The following SERPINB11 variants were observed in gnomAD, a reference collection of about 807,000 sequenced individuals.
The protein encoded by SERPINB11 is serpin B11.
Under a neutral mutation model 36.7 loss-of-function variants are expected in SERPINB11, and 32 were observed. That is an observed-to-expected ratio of 0.87 (90% CI 0.66 to 1.17). The LOEUF is 1.17. Among genes scored for constraint, SERPINB11 ranks in the 50% most tolerant of loss-of-function variants. SERPINB11 has a pLI of 0.00. For synonymous variants in SERPINB11, 174 were observed against 168.1 expected (o/e 1.04, Z -0.27); for missense variants, 528 against 458.4 (o/e 1.15, Z -1.39).
intron 1 of SERPINB11, chr18:63,705,522 G>C (rs1568182183): frequency 6.6e-6 from 1 of 152,344 alleles, no homozygotes; most frequent in East Asian, 1.9e-4. Context: ...CATAAGTAAA[G>C]AAGAGAATGG....
At chr18:63,712,527 CA>C (rs764726552) in intron 3 of SERPINB11, 37 bp from the exon 4 acceptor site, 1 of 1,609,030 alleles carries the variant, frequency 6.2e-7, no homozygotes, top group Non-Finnish European at 8.5e-7. Context: ...AAAAATCAAG[CA>C]ATTTAATACA....
At chr18:63,706,853 T>G (rs1215292168) in intron 1 of SERPINB11, among the ~76,000 whole-genome samples, 3 of 152,176 alleles carry the variant, frequency 2.0e-5, no homozygotes, top group Non-Finnish European at 4.4e-5. Flanking sequence ...CTGTCCTTCT[T>G]CTCTGAAATC....
rs1180604848 is a variant in SERPINB11 at position 63,720,774 on chromosome 18, A to G, written c.619-57A>G. On this transcript the variant is annotated intron_variant, in intron 6 of 7. Coordinates refer to ENST00000544088, the MANE Select transcript of SERPINB11 (RefSeq NM_001370475.1). ...ATCCGTGTTATGCAAGGTAATCAGT[A>G]CACACACATGTGCACTCACATATGT... 3 of 1,285,864 alleles carry G rather than the reference A, an allele frequency of 2.3e-6. No homozygotes were observed. In the East Asian group the frequency reaches 7.6e-5, roughly 32 times the overall value. 79.7% of individuals were successfully genotyped at this position (1,285,864 alleles called of 1,614,324 possible).
At chr18:63,716,231 C>A in intron 5 of SERPINB11, 79 bp downstream of exon 5, 1 of 879,964 alleles carries the variant, frequency 1.1e-6, no homozygotes, top group South Asian at 1.6e-5. Flanking sequence ...AAAGAGGAAG[C>A]TGGCTGAAGT....
intron 6 of SERPINB11, 193 bp from the exon 7 acceptor site, chr18:63,720,638 A>G (rs1388359213): frequency 2.6e-5 from 14 of 538,512 alleles, no homozygotes; most frequent in Non-Finnish European, 4.2e-5. Flanking sequence ...TCAGTCTCTA[A>G]CCATGACTTA....
At position 63,723,469 on chromosome 18, in the gene SERPINB11, C is replaced by T; in HGVS notation, c.*70C>T. The T allele has an allele frequency of 1.4e-6, 2 of 1,449,906 alleles. No individual in the cohort carries two copies. The highest frequency in any genetic ancestry group is 9.3e-7 in the Non-Finnish European group (1 of 1,071,000). 89.8% of individuals were successfully genotyped at this position (1,449,906 alleles called of 1,614,324 possible). On this transcript the variant is annotated 3_prime_UTR_variant, in exon 8 of 8. Coordinates refer to ENST00000544088, the MANE Select transcript of SERPINB11 (RefSeq NM_001370475.1). ...AGACAATCCTGTGACTTTCCCACGG[C>T]CAAAAAGCTGTTCACACCTCACACA...
chr18:63,709,650 A>AAAATAAAATAAAATAAAAT (rs1568183583), intron 1 of SERPINB11, among the ~76,000 whole-genome samples: 16 of 81,152 alleles, frequency 2.0e-4, no homozygotes, highest in East Asian at 7.3e-4. Flanking sequence ...TAAAATAAAA[A>AAAATAAAATAAAATAAAAT]GTAAAATAAA....
At chr18:63,709,565 C>T (rs1311304842) in intron 1 of SERPINB11, among the ~76,000 whole-genome samples, 4 of 148,104 alleles carry the variant, frequency 2.7e-5, no homozygotes, top group Admixed American at 1.4e-4. Flanking sequence ...GAGCTGAGAT[C>T]GCACCACTGC....
At position 63,715,295 on chromosome 18, in the gene SERPINB11, C is replaced by T. The variant is rs115410684; in HGVS notation, c.358-740C>T. Reference sequence around the variant, plus strand: ...CACTGTTGTCTTGGCAGAAAGACAACGGAAAGTCTCCAGTTCTATAGAAAT... The same window carrying T: ...CACTGTTGTCTTGGCAGAAAGACAATGGAAAGTCTCCAGTTCTATAGAAAT... On this transcript the variant is annotated intron_variant, in intron 4 of 7. Coordinates refer to ENST00000544088, the MANE Select transcript of SERPINB11 (RefSeq NM_001370475.1). Among the ~76,000 whole-genome samples, 693 of 152,150 alleles carry T rather than the reference C, an allele frequency of 4.6e-3. 5 individuals carry two copies. Among genetic ancestry groups the T allele is most frequent in the African/African-American group, 0.015 (626 of 41,506 alleles).
intron 1 of SERPINB11, 50 bp from the exon 2 acceptor site, chr18:63,710,129 A>G: frequency 7.0e-7 from 1 of 1,427,938 alleles, no homozygotes; most frequent in Non-Finnish European, 9.5e-7. Flanking sequence ...TCCAGATACT[A>G]TCTGTAACTT....
chr18:63,723,147 C>T lies in SERPINB11; in HGVS notation c.927C>T (p.Leu309=). The part of the protein sequence containing the change: ...SLLKSLGVTD[L]FNQVKADLSG... Reference sequence around the variant, plus strand: ...TAAAATCTCTAGGGGTGACAGATCTCTTCAACCAGGTCAAAGCTGATCTTT... The same window carrying T: ...TAAAATCTCTAGGGGTGACAGATCTTTTCAACCAGGTCAAAGCTGATCTTT... The change falls in exon 8 of 8, where the codon CTC becomes CTT. Residue 309 remains leucine (L), a synonymous_variant. Transcript: ENST00000544088. The T allele has an allele frequency of 1.2e-6, 2 of 1,611,462 alleles. No homozygotes were observed. Among genetic ancestry groups the T allele is most frequent in the South Asian group, 1.1e-5 (1 of 90,734 alleles).
intron 1 of SERPINB11, among the ~76,000 whole-genome samples, chr18:63,708,412 G>A (rs1165721708): frequency 1.3e-5 from 2 of 152,218 alleles, no homozygotes; most frequent in African/African-American, 4.8e-5. Flanking sequence ...AAACTGGGGA[G>A]CATGAGAAAT....
intron 1 of SERPINB11, among the ~76,000 whole-genome samples, chr18:63,703,378 A>G (rs1568181433): frequency 6.6e-6 from 1 of 152,190 alleles, no homozygotes; most frequent in Non-Finnish European, 1.5e-5. Flanking sequence ...TTAACTTACT[A>G]TGCTAGCCTT....
chr18:63,711,032 T>A (rs1264191760), intron 2 of SERPINB11, among the ~76,000 whole-genome samples: 2 of 152,184 alleles, frequency 1.3e-5, no homozygotes, highest in Non-Finnish European at 2.9e-5. Flanking sequence ...GGGACAGAAG[T>A]GTCCAGGGGA....
intron 5 of SERPINB11, among the ~76,000 whole-genome samples, chr18:63,718,445 A>T (rs1914723823): frequency 6.6e-6 from 1 of 151,730 alleles, no homozygotes; most frequent in South Asian, 2.1e-4. Flanking sequence ...GTCTTCCTTA[A>T]TTTTTTCTTT....
chr18:63,719,150 G>A (rs1042638163), intron 5 of SERPINB11, among the ~76,000 whole-genome samples: 9 of 152,036 alleles, frequency 5.9e-5, no homozygotes, highest in Non-Finnish European at 1.2e-4. Flanking sequence ...CGAATGAAAA[G>A]ATGATTAGTG....
intron 5 of SERPINB11, among the ~76,000 whole-genome samples, chr18:63,716,795 CT>C (rs35056551): frequency 0.38 from 56,244 of 149,306 alleles, 11,288 homozygotes; most frequent in East Asian, 0.61. Context: ...CCAGTTGGCT[CT>C]TTTTTTTTTG....
intron 3 of SERPINB11, among the ~76,000 whole-genome samples, chr18:63,712,166 A>G (rs2221511): frequency 0.11 from 16,573 of 152,122 alleles, 1,428 homozygotes; most frequent in East Asian, 0.4. Context: ...TGATTAAATG[A>G]CCACATGAAA....
In SERPINB11 at chr18:63,720,727, C is replaced by T. The variant is rs1914787717; in HGVS notation, c.619-104C>T. On this transcript the variant is annotated intron_variant, in intron 6 of 7. Transcript: ENST00000544088. Reference sequence around the variant, plus strand: ...CTTTGTAGTTTCTATTTTACCCATGCCTTTAGAGTGTTCATGCAGATATCC... The same window carrying T: ...CTTTGTAGTTTCTATTTTACCCATGTCTTTAGAGTGTTCATGCAGATATCC... 5 of 771,672 alleles carry T rather than the reference C, an allele frequency of 6.5e-6. No individual in the cohort carries two copies. The East Asian group carries it at 1.3e-4, about 21-fold the overall frequency. The allele number at this position is 771,672 out of a possible 1,614,324, so 47.8% of individuals were successfully genotyped here. A position where few individuals can be genotyped will look rare whatever the true frequency, so the allele number is the denominator to read the frequency against.
Sources: gnomAD v4.1 joint callset for allele counts (sites outside exome capture counted in the v4.1 genomes callset) on GRCh38, gnomAD v4.1.1 for gene constraint, MANE v1.5 for transcripts, NCBI Gene and HGNC (gene_info 2026-07-23, HGNC 2026-07-21) for gene names.